The following MACC1 variants were observed in gnomAD, a reference collection of about 807,000 sequenced individuals.
MACC1 encodes metastasis-associated in colon cancer protein 1.
A neutral mutation model predicts 70.7 loss-of-function variants in MACC1; 79 were observed. The ratio of observed to expected loss-of-function variants is 1.12; its 90% CI spans 0.93 to 1.35. The LOEUF is 1.35. MACC1 is among the 40% of genes most tolerant of loss of function. The probability of loss-of-function intolerance (pLI) is 0.00; values close to 1 mark genes in which losing one functional copy is unlikely to be tolerated. For synonymous variants in MACC1, 361 were observed against 347.2 expected (o/e 1.04, Z -0.44); for missense variants, 1,106 against 978.1 (o/e 1.13, Z -1.74).
intron 1 of MACC1, among the ~76,000 whole-genome samples, chr7:20,191,398 T>C (rs1313704994): frequency 2.6e-5 from 4 of 152,166 alleles, no homozygotes; most frequent in Non-Finnish European, 5.9e-5. Context: ...AATAGGTGCT[T>C]GGACAGCTGG....
At chr7:20,185,075 T>A (rs1782565823) in intron 1 of MACC1, 1 of 152,142 alleles carries the variant, frequency 6.6e-6, no homozygotes, top group Non-Finnish European at 1.5e-5. Flanking sequence ...TACTTTTCAA[T>A]CTCCTGGTAA....
intron 1 of MACC1, among the ~76,000 whole-genome samples, chr7:20,194,924 T>C (rs527693992): frequency 6.6e-6 from 1 of 152,326 alleles, no homozygotes; most frequent in African/African-American, 2.4e-5. Flanking sequence ...TTGAATTTTT[T>C]CTCGTCATAA....
At chr7:20,179,220 A>G (rs979131750) in intron 1 of MACC1, among the ~76,000 whole-genome samples, 2 of 145,862 alleles carry the variant, frequency 1.4e-5, no homozygotes, top group African/African-American at 2.6e-5. Context: ...TTGTCCTTTG[A>G]ATAAGGTCTT....
chr7:20,171,621 G>A (rs192421579), intron 1 of MACC1, among the ~76,000 whole-genome samples: 5 of 147,564 alleles, frequency 3.4e-5, no homozygotes, highest in Admixed American at 6.8e-5. Flanking sequence ...TCGTTCTGTC[G>A]CCCAGGTTGG....
intron 1 of MACC1, among the ~76,000 whole-genome samples, chr7:20,183,899 G>T (rs1782548011): frequency 6.6e-6 from 1 of 151,854 alleles, no homozygotes; most frequent in South Asian, 2.1e-4. Flanking sequence ...GTAGAGACAG[G>T]GTTTCACCAT....
Position 20,158,452 on chromosome 7 carries a change from CAAG to C in MACC1, c.1906_1908del (p.Leu636del), listed in dbSNP as rs1255274862. On this transcript the variant is annotated inframe_deletion, in exon 5 of 7. Coordinates refer to ENST00000400331, the MANE Select transcript of MACC1 (RefSeq NM_182762.4). ...TTTTTTAAAGGCAGGACAATCTGTTCAAGAAGATTTCTGGTTGTAAAGACACTA... is the reference window on the plus strand; with the variant it reads ...TTTTTTAAAGGCAGGACAATCTGTTCAAGATTTCTGGTTGTAAAGACACTA... 3 of 1,613,838 alleles carry C rather than the reference CAAG, an allele frequency of 1.9e-6. No homozygotes were observed. The highest frequency in any genetic ancestry group is 3.3e-5 in the Admixed American group (2 of 59,968).
At chr7:20,194,064 A>G (rs1047045297) in intron 1 of MACC1, among the ~76,000 whole-genome samples, 1 of 152,116 alleles carries the variant, frequency 6.6e-6, no homozygotes, top group African/African-American at 2.4e-5. Flanking sequence ...GGGAGCCTCC[A>G]TGTCTCCATC....
intron 5 of MACC1, among the ~76,000 whole-genome samples, chr7:20,157,089 G>A (rs989173916): frequency 3.9e-5 from 6 of 152,156 alleles, no homozygotes; most frequent in Admixed American, 3.3e-4. Flanking sequence ...ACTGTAGGAC[G>A]TGGGCAAATT....
Position 20,159,931 on chromosome 7 carries a change from G to T in MACC1, c.430C>A (p.Leu144Met), listed in dbSNP as rs759032565. Residue 144 changes from leucine (L) to methionine (M), a missense_variant, in exon 5 of 7, where the codon CTG (leucine) becomes ATG (methionine). By Grantham distance (15) the Leu-to-Met change is conservative. Transcript: ENST00000400331. Reference protein sequence around the residue: ...SGRSKSVSELLDILDDTAHAH... With the variant: ...SGRSKSVSELMDILDDTAHAH... ...TGTGCTGTGTCGTCTAAAATGTCCAGAAGTTCTGAAACACTTTTAGATCTT... is the reference window on the plus strand; with the variant it reads ...TGTGCTGTGTCGTCTAAAATGTCCATAAGTTCTGAAACACTTTTAGATCTT... The T allele has an allele frequency of 8.1e-6, 13 of 1,614,014 alleles. No homozygotes were observed. In the African/African-American group the frequency reaches 1.5e-4, roughly 18 times the overall value.
intron 1 of MACC1, among the ~76,000 whole-genome samples, chr7:20,187,536 C>A (rs6951926): frequency 6.6e-6 from 1 of 152,156 alleles, no homozygotes; most frequent in African/African-American, 2.4e-5. Flanking sequence ...GAGTGACCTT[C>A]GTGCATGCCC....
intron 6 of MACC1, among the ~76,000 whole-genome samples, chr7:20,151,744 A>C (rs1781981674): frequency 6.6e-6 from 1 of 152,198 alleles, no homozygotes; most frequent in Admixed American, 6.5e-5. Flanking sequence ...TAAAGATTTA[A>C]TTTTGAGGCA....
chr7:20,214,342 C>G (rs1001002218), intron 1 of MACC1, among the ~76,000 whole-genome samples: 7 of 152,126 alleles, frequency 4.6e-5, no homozygotes, highest in Admixed American at 4.6e-4. Flanking sequence ...ATAAAAACAG[C>G]CCATTCAATT....
At chr7:20,169,399 T>C (rs1447693590) in intron 2 of MACC1, among the ~76,000 whole-genome samples, 1 of 152,206 alleles carries the variant, frequency 6.6e-6, no homozygotes, top group Non-Finnish European at 1.5e-5. Flanking sequence ...GGTTGTACTT[T>C]TCAAAAGGTA....
chr7:20,146,394 G>A (rs1408383613), intron 6 of MACC1, among the ~76,000 whole-genome samples: 3 of 152,096 alleles, frequency 2.0e-5, no homozygotes, highest in Non-Finnish European at 4.4e-5. Context: ...GACATAAGAG[G>A]TAATTTGTGT....
In MACC1 at chr7:20,160,174, C is replaced by G. The variant is rs1269916148; in HGVS notation, c.187G>C (p.Val63Leu). Reference sequence around the variant, plus strand: ...AGTTGATTCCAGAATGGATTTGCAACTTTGGAAGCATTATTACCACGAAGG... The same window carrying G: ...AGTTGATTCCAGAATGGATTTGCAAGTTTGGAAGCATTATTACCACGAAGG... ...FTLRGNNASKVANPFWNQLSA... is the reference protein window; with the variant it reads ...FTLRGNNASKLANPFWNQLSA... The change falls in exon 5 of 7, where the codon GTT becomes CTT. Residue 63 changes from valine (V) to leucine (L), a missense_variant. Coordinates refer to ENST00000400331, the MANE Select transcript of MACC1 (RefSeq NM_182762.4). 1 of 1,610,612 alleles carries G rather than the reference C, an allele frequency of 6.2e-7. No individual in the cohort carries two copies. The highest frequency in any genetic ancestry group is 8.5e-7 in the Non-Finnish European group (1 of 1,179,078).
intron 1 of MACC1, among the ~76,000 whole-genome samples, chr7:20,177,250 C>A (rs182371094): frequency 7.0e-4 from 106 of 152,218 alleles, no homozygotes; most frequent in African/African-American, 2.5e-3. Context: ...AATTAAATAA[C>A]AAATGATAAC....
At chr7:20,183,306 G>A (rs2128106107) in intron 1 of MACC1, among the ~76,000 whole-genome samples, 1 of 152,274 alleles carries the variant, frequency 6.6e-6, no homozygotes, top group Middle Eastern at 3.4e-3. Flanking sequence ...GGCTGTAGTT[G>A]GCAAGAAAAC....
At chr7:20,214,356 C>T (rs762014110) in intron 1 of MACC1, among the ~76,000 whole-genome samples, 8 of 152,188 alleles carry the variant, frequency 5.3e-5, no homozygotes, top group Non-Finnish European at 1.0e-4. Context: ...TTCAATTTCA[C>T]TTCCTAATTC....
At chr7:20,170,498 A>G (rs1782287715) in intron 2 of MACC1, 1 of 152,252 alleles carries the variant, frequency 6.6e-6, no homozygotes, top group Non-Finnish European at 1.5e-5. Flanking sequence ...TTTTAGCTTA[A>G]CAGATTATTC....
Sources: gnomAD v4.1 joint callset for allele counts (sites outside exome capture counted in the v4.1 genomes callset) on GRCh38, gnomAD v4.1.1 for gene constraint, MANE v1.5 for transcripts, NCBI Gene and HGNC (gene_info 2026-07-23, HGNC 2026-07-21) for gene names.